ZNF384: variants seen among roughly 807,000 people sequenced by gnomAD.
The protein encoded by ZNF384 is zinc finger protein 384.
In ZNF384, 20 loss-of-function variants were observed where a neutral mutation model predicts 65.0. The observed-to-expected ratio is 0.31, with a 90% confidence interval of 0.22 to 0.45. ZNF384 has a LOEUF of 0.45. ZNF384 is among the 20% of genes least tolerant of loss of function. ZNF384 has a pLI of 1.00. For synonymous variants in ZNF384, 310 were observed against 303.9 expected (o/e 1.02, Z -0.21); for missense variants, 549 against 769.4 (o/e 0.71, Z 3.39).
chr12:6,672,336 C>G lies in ZNF384; in HGVS notation c.1187+14G>C. The G allele has an allele frequency of 3.1e-6, 5 of 1,610,318 alleles. No homozygotes were observed. Among genetic ancestry groups the G allele is most frequent in the Non-Finnish European group, 4.2e-6 (5 of 1,177,998 alleles). On this transcript the variant is annotated intron_variant, in intron 9 of 11. Transcript: ENST00000683879. This position sits in a 1 kb window ranked among gnomAD's most constrained non-coding sequence, Gnocchi z 4.4. Reference sequence around the variant, plus strand: ...CCAGCGGGGCGGGGTCAGTAGCCCGCCACTCTCCCTTACCGTGTGTGCTGC... The same window carrying G: ...CCAGCGGGGCGGGGTCAGTAGCCCGGCACTCTCCCTTACCGTGTGTGCTGC...
Position 6,678,683 on chromosome 12 carries a change from C to A in ZNF384, c.332G>T (p.Arg111Ile). Residue 111 changes from arginine (R) to isoleucine (I), a missense_variant, in exon 5 of 12, where the codon AGA (arginine) becomes ATA (isoleucine). Around this residue, in one of 5 missense-constraint regions of ZNF384, gnomAD observed 277 missense variants for 337.2 expected, o/e 0.82. Transcript: ENST00000683879. The surrounding 1 kb of genome is among the most constrained non-coding windows in gnomAD (Gnocchi z 4.9). ...TTTACCCCTTGATTGACTCCCTTCT[C>A]TTCTCCACCTCTGAGAACAGGAGAC... is the stretch of plus-strand genomic sequence containing the variant. ...AGVSCSQRWR[R>I]EGSQSRGPGL... The A allele has an allele frequency of 6.2e-7, 1 of 1,614,016 alleles. No homozygotes were observed. Among genetic ancestry groups the A allele is most frequent in the African/African-American group, 1.3e-5 (1 of 74,970 alleles).
intron 7 of ZNF384, among the ~76,000 whole-genome samples, chr12:6,675,216 T>C (rs1953035452): frequency 6.6e-6 from 1 of 152,228 alleles, no homozygotes; most frequent in Non-Finnish European, 1.5e-5. Context: ...ATAATAATGA[T>C]GATGACCACA....
chr12:6,677,179 A>G lies in ZNF384; in HGVS notation c.767T>C (p.Leu256Pro). 8.9e-7 allele frequency: 1 copy of G among 1,126,956 alleles called. No individual in the cohort carries two copies. The highest frequency in any genetic ancestry group is 1.2e-6 in the Non-Finnish European group (1 of 832,938). The allele number at this position is 1,126,956 out of a possible 1,614,324, so 69.8% of individuals were successfully genotyped here. A position where few individuals can be genotyped will look rare whatever the true frequency, so the allele number is the denominator to read the frequency against. ...DSVPGSTTNL[L>P]CDPGCRMCSL... ...GAAAAGGACTTGCCCAGGGTCACACAGCAAATTCGTGGTGGAGCCGGGAAC... is the reference window on the plus strand; with the variant it reads ...GAAAAGGACTTGCCCAGGGTCACACGGCAAATTCGTGGTGGAGCCGGGAAC... The change falls in exon 7 of 12, where the codon CTG (leucine) becomes CCG (proline). Residue 256 changes from leucine (L) to proline (P), a missense_variant. Leu to Pro is a moderately conservative substitution (Grantham distance 98). Coordinates refer to ENST00000683879, the MANE Select transcript of ZNF384 (RefSeq NM_001385745.1).
chr12:6,684,667 A>G (rs1957277953), intron 2 of ZNF384, among the ~76,000 whole-genome samples: 2 of 152,234 alleles, frequency 1.3e-5, no homozygotes, highest in Non-Finnish European at 2.9e-5. Flanking sequence ...GGGAGACCAC[A>G]GAGAGAACTG....
intron 2 of ZNF384, among the ~76,000 whole-genome samples, chr12:6,684,659 G>C (rs1052754481): frequency 6.6e-6 from 1 of 152,000 alleles, no homozygotes; most frequent in African/African-American, 2.4e-5. Flanking sequence ...GCCCAAAAGG[G>C]AGACCACAGA....
At position 6,678,900 on chromosome 12, in the gene ZNF384, C is replaced by G; in HGVS notation, c.304+46G>C. The G allele has an allele frequency of 6.3e-7, 1 of 1,592,162 alleles. No individual in the cohort carries two copies. The highest frequency in any genetic ancestry group is 8.6e-7 in the Non-Finnish European group (1 of 1,161,856). Reference sequence around the variant, plus strand: ...GAGCCCTCCAGCCTGGGGTACTGATCATGGAAGATCAACACCTCAGATTGG... The same window carrying G: ...GAGCCCTCCAGCCTGGGGTACTGATGATGGAAGATCAACACCTCAGATTGG... On this transcript the variant is annotated intron_variant, in intron 4 of 11. Coordinates refer to ENST00000683879, the MANE Select transcript of ZNF384 (RefSeq NM_001385745.1). The surrounding 1 kb of genome is among the most constrained non-coding windows in gnomAD (Gnocchi z 4.9).
At position 6,667,667 on chromosome 12, in the gene ZNF384, C is replaced by T. The variant is rs1008793031; in HGVS notation, c.*47G>A. On this transcript the variant is annotated 3_prime_UTR_variant, in exon 12 of 12. Transcript: ENST00000683879. ...CCCACCAAGAGTTGGAGAAAGAAGA[C>T]ACCAGGACTACTTCTTCCTCTTCCC... The T allele has an allele frequency of 1.9e-5, 30 of 1,611,946 alleles. No homozygotes were observed. The highest frequency in any genetic ancestry group is 2.5e-5 in the Non-Finnish European group (29 of 1,178,484).
chr12:6,683,735 G>A (rs1956940690), intron 2 of ZNF384, among the ~76,000 whole-genome samples: 1 of 151,424 alleles, frequency 6.6e-6, no homozygotes, highest in Non-Finnish European at 1.5e-5. Flanking sequence ...TAGGAAGGAG[G>A]AGGCTGAGCA....
At chr12:6,689,506 A>G (rs1314178468), upstream of ZNF384, 1 of 152,282 alleles carries the variant, frequency 6.6e-6, no homozygotes, top group Non-Finnish European at 1.5e-5. Context: ...AGGGAGGGAA[A>G]TAGCAATGTA....
intron 9 of ZNF384, chr12:6,671,675 G>GT (rs1261225533): frequency 6.6e-6 from 1 of 152,370 alleles, no homozygotes. Context: ...TCTATGGCCT[G>GT]TAAGTCTGGA....
chr12:6,670,553 A>C (rs1741023051), intron 10 of ZNF384, among the ~76,000 whole-genome samples: 1 of 152,192 alleles, frequency 6.6e-6, no homozygotes, highest in Non-Finnish European at 1.5e-5. Context: ...GTTCTTTCTA[A>C]ACAGATTACT....
In ZNF384 at chr12:6,678,940, G is replaced by A. The variant is rs753948195; in HGVS notation, c.304+6C>T. 6.2e-7 allele frequency: 1 copy of A among 1,612,450 alleles called. No homozygotes were observed. The highest frequency in any genetic ancestry group is 8.5e-7 in the Non-Finnish European group (1 of 1,178,716). The stretch of plus-strand genomic sequence containing the variant: ...CCTCAGATTGGAGAAGAGCAGAGTT[G>A]CTCACCAGCAGTCATCAGTCCTGTA... On this transcript the variant is annotated splice_donor_region_variant and intron_variant, in intron 4 of 11. Coordinates refer to ENST00000683879, the MANE Select transcript of ZNF384 (RefSeq NM_001385745.1). This position sits in a 1 kb window ranked among gnomAD's most constrained non-coding sequence, Gnocchi z 4.9.
rs776866506 is a variant in ZNF384 at position 6,678,382 on chromosome 12, G to A, written c.431C>T (p.Ala144Val). ...ASSAQTFPIS[A>V]PMIVSALPPG... ...GGGAAGAGCTGAGACAATCATGGGA[G>A]CCGAAATGGGGAAGGTCTGAGCTGA... The change falls in exon 6 of 12, where the codon GCT becomes GTT. Residue 144 changes from alanine (A) to valine (V), a missense_variant. By Grantham distance (64) the Ala-to-Val change is moderately conservative (BLOSUM62 0). Transcript: ENST00000683879. This position sits in a 1 kb window ranked among gnomAD's most constrained non-coding sequence, Gnocchi z 4.9. 6.2e-7 allele frequency: 1 copy of A among 1,613,302 alleles called. No homozygotes were observed. Among genetic ancestry groups the A allele is most frequent in the Non-Finnish European group, 8.5e-7 (1 of 1,179,662 alleles).
chr12:6,689,258 G>C lies in ZNF384; in HGVS notation c.-226C>G, dbSNP rs1178534088. ...GCGCGCGGGCACGCACTTCTGGAGC[G>C]AGACAGACCCACACACTCACACGCA... is the stretch of plus-strand genomic sequence containing the variant. On this transcript the variant is annotated 5_prime_UTR_variant, in exon 1 of 12. Coordinates refer to ENST00000683879, the MANE Select transcript of ZNF384 (RefSeq NM_001385745.1). The C allele has an allele frequency of 6.6e-6, 1 of 152,668 alleles. No individual in the cohort carries two copies. Among genetic ancestry groups the C allele is most frequent in the African/African-American group, 2.4e-5 (1 of 41,474 alleles). The allele number at this position is 152,668 out of a possible 1,614,324, so 9.5% of individuals were successfully genotyped here.
At position 6,667,228 on chromosome 12, in the gene ZNF384, G is replaced by A. The variant is rs898993464; in HGVS notation, c.*486C>T. 1 of 291,894 alleles carries A rather than the reference G, an allele frequency of 3.4e-6. No homozygotes were observed. 18.1% of individuals were successfully genotyped at this position (291,894 alleles called of 1,614,324 possible). ...GATGTAGGGGAAGAAATGGCTCTCA[G>A]GGACTGAGGCATTTGAGAAACCTCT... On this transcript the variant is annotated 3_prime_UTR_variant, in exon 12 of 12. Transcript: ENST00000683879.
Position 6,672,983 on chromosome 12 carries a change from CACAG to C in ZNF384, c.1004+229_1004+232del, listed in dbSNP as rs1952095352. On this transcript the variant is annotated intron_variant, in intron 8 of 11. Coordinates refer to ENST00000683879, the MANE Select transcript of ZNF384 (RefSeq NM_001385745.1). The surrounding 1 kb of genome is among the most constrained non-coding windows in gnomAD (Gnocchi z 4.4). ...TCTGCAGAAGATTTCCAAACACAGACACAGAGAGAAACCACAAAAATTGTTCCAG... is the reference window on the plus strand; with the variant it reads ...TCTGCAGAAGATTTCCAAACACAGACAGAGAAACCACAAAAATTGTTCCAG... 23 of 547,688 alleles carry C rather than the reference CACAG, an allele frequency of 4.2e-5. No individual in the cohort carries two copies. 33.9% of individuals were successfully genotyped at this position (547,688 alleles called of 1,614,324 possible). A position where few individuals can be genotyped will look rare whatever the true frequency, so the allele number is the denominator to read the frequency against.
rs1241021119 is a variant in ZNF384 at position 6,679,288 on chromosome 12, T to C, written c.67-105A>G. The C allele has an allele frequency of 4.1e-5, 51 of 1,247,910 alleles. 1 individual carries two copies. The highest frequency in any genetic ancestry group is 5.5e-5 in the Non-Finnish European group (49 of 885,522). The allele number at this position is 1,247,910 out of a possible 1,614,324, so 77.3% of individuals were successfully genotyped here. On this transcript the variant is annotated intron_variant, in intron 3 of 11. Transcript: ENST00000683879. Reference sequence around the variant, plus strand: ...GTCTGTCCTCCTTAGGGATCAAGGATGAGCACTTCATACCTCTGGCCTTCT... The same window carrying C: ...GTCTGTCCTCCTTAGGGATCAAGGACGAGCACTTCATACCTCTGGCCTTCT...
intron 11 of ZNF384, 59 bp from the exon 12 acceptor site, chr12:6,668,174 T>A: frequency 6.8e-7 from 1 of 1,466,408 alleles, no homozygotes; most frequent in Non-Finnish European, 9.2e-7. Context: ...AGATTACTTG[T>A]AACTAGCACC....
In ZNF384 at chr12:6,678,890, G is replaced by T; in HGVS notation, c.304+56C>A. ...CATGTCCTTGGAGCCCTCCAGCCTG[G>T]GGTACTGATCATGGAAGATCAACAC... On this transcript the variant is annotated intron_variant, in intron 4 of 11. Coordinates refer to ENST00000683879, the MANE Select transcript of ZNF384 (RefSeq NM_001385745.1). The surrounding 1 kb of genome is among the most constrained non-coding windows in gnomAD (Gnocchi z 4.9). 1 of 1,568,508 alleles carries T rather than the reference G, an allele frequency of 6.4e-7. No individual in the cohort carries two copies. The highest frequency in any genetic ancestry group is 1.1e-5 in the South Asian group (1 of 89,030).
Sources: allele counts gnomAD v4.1 joint callset (sites outside exome capture counted in the v4.1 genomes callset), GRCh38; gene constraint gnomAD v4.1.1; regional missense constraint gnomAD v4.1.1; non-coding constraint Gnocchi (gnomAD v3.1); transcripts MANE v1.5; gene names NCBI Gene and HGNC (gene_info 2026-07-23, HGNC 2026-07-21).